The following RAB3C variants were observed in gnomAD, a reference collection of about 807,000 sequenced individuals.
RAB3C encodes RAB3C, member RAS oncogene family.
A neutral mutation model predicts 26.4 loss-of-function variants in RAB3C; 17 were observed. That is an observed-to-expected ratio of 0.64 (90% CI 0.44 to 0.97). RAB3C has a LOEUF of 0.97. Ranked by LOEUF, RAB3C falls within the 50% of genes least tolerant of loss-of-function variation. RAB3C has a pLI of 0.00. For synonymous variants in RAB3C, 91 were observed against 95.9 expected (o/e 0.95, Z 0.30); for missense variants, 242 against 281.9 (o/e 0.86, Z 1.01).
Position 58,854,100 on chromosome 5 carries a change from A to T in RAB3C, c.*2749A>T, listed in dbSNP as rs1744179509. Reference sequence around the variant, plus strand: ...TATACCATCATCTATCAATAGTCTAAATACATAAATAAATGCAGGTCATTT... The same window carrying T: ...TATACCATCATCTATCAATAGTCTATATACATAAATAAATGCAGGTCATTT... On this transcript the variant is annotated 3_prime_UTR_variant, in exon 5 of 5. Coordinates refer to ENST00000282878, the MANE Select transcript of RAB3C (RefSeq NM_138453.4). The T allele has an allele frequency of 6.6e-6, 1 of 151,080 alleles. No homozygotes were observed. Among genetic ancestry groups the T allele is most frequent in the African/African-American group, 2.4e-5 (1 of 41,014 alleles). The allele number at this position is 151,080 out of a possible 1,614,324, so 9.4% of individuals were successfully genotyped here. A position where few individuals can be genotyped will look rare whatever the true frequency, so the allele number is the denominator to read the frequency against.
At chr5:58,676,073 T>A (rs1748219380) in intron 2 of RAB3C, among the ~76,000 whole-genome samples, 1 of 152,110 alleles carries the variant, frequency 6.6e-6, no homozygotes, top group Admixed American at 6.5e-5. Context: ...GAAGAAAAAG[T>A]CCCTGTATTT....
At chr5:58,845,230 G>T (rs999125031) in intron 4 of RAB3C, among the ~76,000 whole-genome samples, 6 of 152,062 alleles carry the variant, frequency 3.9e-5, no homozygotes, top group Non-Finnish European at 8.8e-5. Context: ...ATGTGAAAAG[G>T]CCTCAGCCTT....
intron 1 of RAB3C, among the ~76,000 whole-genome samples, chr5:58,617,186 T>C (rs1746842026): frequency 6.6e-6 from 1 of 152,162 alleles, no homozygotes; most frequent in Admixed American, 6.6e-5. Flanking sequence ...AGTAGAGATA[T>C]GCTTTGGGTG....
chr5:58,710,594 G>A (rs2111895046), intron 2 of RAB3C, among the ~76,000 whole-genome samples: 1 of 112,800 alleles, frequency 8.9e-6, no homozygotes, highest in South Asian at 2.9e-4. Context: ...GCAAGACTCT[G>A]TCTCAAAATA....
At chr5:58,643,992 C>T (rs551549371) in intron 2 of RAB3C, among the ~76,000 whole-genome samples, 5 of 151,958 alleles carry the variant, frequency 3.3e-5, no homozygotes, top group African/African-American at 1.2e-4. Flanking sequence ...GACTAATTTT[C>T]GTACTTTTAG....
chr5:58,659,153 A>G (rs1747844015), intron 2 of RAB3C, among the ~76,000 whole-genome samples: 1 of 152,236 alleles, frequency 6.6e-6, no homozygotes, highest in African/African-American at 2.4e-5. Flanking sequence ...ACATAGGAAA[A>G]CAATTCTCAA....
chr5:58,592,839 G>C (rs992731906), intron 1 of RAB3C, among the ~76,000 whole-genome samples: 2 of 151,746 alleles, frequency 1.3e-5, no homozygotes, highest in Admixed American at 1.3e-4. Flanking sequence ...AAGATTTTCT[G>C]TTTAACTTTG....
At chr5:58,656,686 G>A (rs1447571400) in intron 2 of RAB3C, among the ~76,000 whole-genome samples, 1 of 152,140 alleles carries the variant, frequency 6.6e-6, no homozygotes, top group Admixed American at 6.5e-5. Context: ...AATGAAGTAA[G>A]CATATACATT....
chr5:58,753,537 C>T lies in RAB3C; in HGVS notation c.371+27417C>T, dbSNP rs74506599. The stretch of plus-strand genomic sequence containing the variant: ...ACCTCCCTCAATTATAGTAGTCTTT[C>T]GAGTCAAAAAGAAACTCCGGAGCAT... On this transcript the variant is annotated intron_variant, in intron 3 of 4. Transcript: ENST00000282878. 2.8e-3 allele frequency among the ~76,000 whole-genome samples: 431 copies of T among 152,124 alleles called. 16 individuals are homozygous for T. In the East Asian group the frequency reaches 0.071, roughly 25 times the overall value.
chr5:58,663,724 A>T (rs1186616511), intron 2 of RAB3C, among the ~76,000 whole-genome samples: 1 of 152,172 alleles, frequency 6.6e-6, no homozygotes, highest in Non-Finnish European at 1.5e-5. Context: ...ATACCACCAC[A>T]CACATATTAG....
At chr5:58,830,873 A>G (rs1046857214) in intron 4 of RAB3C, among the ~76,000 whole-genome samples, 1 of 105,330 alleles carries the variant, frequency 9.5e-6, no homozygotes, top group African/African-American at 3.7e-5. Flanking sequence ...GAGTCACGCA[A>G]TAGGTCTTTT....
chr5:58,640,378 T>G (rs1244031017), intron 2 of RAB3C, among the ~76,000 whole-genome samples: 1 of 152,144 alleles, frequency 6.6e-6, no homozygotes, highest in Non-Finnish European at 1.5e-5. Flanking sequence ...CCCCAAACCT[T>G]ACGCGTTTAA....
intron 1 of RAB3C, among the ~76,000 whole-genome samples, chr5:58,592,993 T>C (rs1233428121): frequency 1.3e-5 from 2 of 152,152 alleles, no homozygotes; most frequent in African/African-American, 2.4e-5. Context: ...TCTTTAAGTA[T>C]TTTTTCATCC....
At position 58,698,277 on chromosome 5, in the gene RAB3C, T is replaced by C. The variant is rs557647642; in HGVS notation, c.253-27725T>C. ...CCCCACTCTCTTCTGGCTTGTAGGG[T>C]TTCTGCCGAGAGATCAGCTGTTAGT... is the stretch of plus-strand genomic sequence containing the variant. On this transcript the variant is annotated intron_variant, in intron 2 of 4. Coordinates refer to ENST00000282878, the MANE Select transcript of RAB3C (RefSeq NM_138453.4). Among the ~76,000 whole-genome samples, 27 of 152,292 alleles carry C rather than the reference T, an allele frequency of 1.8e-4. No homozygotes were observed. The South Asian group carries it at 5.0e-3, about 28-fold the overall frequency.
intron 2 of RAB3C, among the ~76,000 whole-genome samples, chr5:58,712,222 G>A (rs1211719072): frequency 6.6e-6 from 1 of 151,722 alleles, no homozygotes; most frequent in Non-Finnish European, 1.5e-5. Flanking sequence ...ATTGCTTTGT[G>A]TGCTTCATTT....
intron 1 of RAB3C, among the ~76,000 whole-genome samples, chr5:58,590,153 G>A (rs1381065441): frequency 3.3e-5 from 5 of 152,198 alleles, no homozygotes; most frequent in Non-Finnish European, 7.4e-5. Context: ...AGCTGCAATC[G>A]AAAACTAAAT....
At chr5:58,816,958 G>C (rs1743231647) in intron 3 of RAB3C, 2 of 152,132 alleles carry the variant, frequency 1.3e-5, no homozygotes, top group African/African-American at 4.8e-5. Flanking sequence ...CTCATTTCTG[G>C]GACAAACTGA....
intron 3 of RAB3C, among the ~76,000 whole-genome samples, chr5:58,759,529 G>T (rs1330392840): frequency 6.6e-6 from 1 of 152,204 alleles, no homozygotes; most frequent in Non-Finnish European, 1.5e-5. Flanking sequence ...CGGAAGAGAA[G>T]ATAACCATGA....
chr5:58,648,227 G>A (rs971105193), intron 2 of RAB3C, among the ~76,000 whole-genome samples: 8 of 152,100 alleles, frequency 5.3e-5, no homozygotes, highest in Non-Finnish European at 1.2e-4. Context: ...CCCTAATTGC[G>A]TTTTAATTTA....
Sources: allele counts gnomAD v4.1 joint callset (sites outside exome capture counted in the v4.1 genomes callset), GRCh38; gene constraint gnomAD v4.1.1; transcripts MANE v1.5; gene names NCBI Gene and HGNC (gene_info 2026-07-23, HGNC 2026-07-21).